PCDHGA1: variants seen among roughly 807,000 people sequenced by gnomAD.
PCDHGA1 encodes the protein protocadherin gamma subfamily A, 1.
A neutral mutation model predicts 58.0 loss-of-function variants in PCDHGA1; 32 were observed. The observed-to-expected ratio is 0.55, with a 90% CI of 0.42 to 0.74. The LOEUF (loss-of-function observed/expected upper bound fraction) is 0.74, where lower values mean the gene tolerates loss of function less well. Ranked by LOEUF, PCDHGA1 falls within the 30% of genes least tolerant of loss-of-function variation. The pLI is 0.00. For missense variants in PCDHGA1, 1,205 were observed against 1,182.3 expected (o/e 1.02, Z -0.28); for synonymous variants, 498 against 501.1 (o/e 0.99, Z 0.08).
In PCDHGA1 at chr5:141,476,132, T is replaced by C. The variant is rs751708569; in HGVS notation, c.2422-18675T>C. 2 of 1,607,820 alleles carry C rather than the reference T, an allele frequency of 1.2e-6. No homozygotes were observed. The highest frequency in any genetic ancestry group is 1.1e-5 in the South Asian group (1 of 90,582). On this transcript the variant is annotated intron_variant, in intron 1 of 3. Coordinates refer to ENST00000517417, the MANE Select transcript of PCDHGA1 (RefSeq NM_018912.3). The surrounding 1 kb of genome is among the most constrained non-coding windows in gnomAD (Gnocchi z 7.6). ...TTTGAGTGAGATGGTCCCAGAGGCC[T>C]GGAGGAGCGGACTGGTAAGCACCGG...
At chr5:141,360,645 C>A (rs1263942255) in intron 1 of PCDHGA1, 1 of 1,613,862 alleles carries the variant, frequency 6.2e-7, no homozygotes, top group Non-Finnish European at 8.5e-7. Context: ...TACAAAGATA[C>A]CACCTTAATG....
rs758205179 is a variant in PCDHGA1 at position 141,477,813 on chromosome 5, A to G, written c.2422-16994A>G. ...ACTGATCGCAATGACAATGCCCCCC[A>G]GGTCCTATATCCTCGGCCAGGTGGG... On this transcript the variant is annotated intron_variant, in intron 1 of 3. Transcript: ENST00000517417. This position sits in a 1 kb window ranked among gnomAD's most constrained non-coding sequence, Gnocchi z 4.9. The G allele has an allele frequency of 8.1e-6, 13 of 1,614,002 alleles. No homozygotes were observed. The East Asian group carries it at 2.7e-4, about 33-fold the overall frequency.
At chr5:141,365,172 T>C in intron 1 of PCDHGA1, 2 of 1,613,882 alleles carry the variant, frequency 1.2e-6, no homozygotes, top group Non-Finnish European at 1.7e-6. Context: ...ACCTACTCTT[T>C]TCGCAATGAA....
chr5:141,384,670 G>A, intron 1 of PCDHGA1: 1 of 1,614,220 alleles, frequency 6.2e-7, no homozygotes. Context: ...GGTGACCAAG[G>A]TGGTGGCGGT....
At chr5:141,415,540 T>C (rs1202920204) in intron 1 of PCDHGA1, 9 of 1,614,184 alleles carry the variant, frequency 5.6e-6, no homozygotes, top group Non-Finnish European at 7.6e-6. Context: ...CCAGGAGAGC[T>C]GTGAGAAAAA....
chr5:141,487,475 C>T lies in PCDHGA1; in HGVS notation c.2422-7332C>T, dbSNP rs781308835. On this transcript the variant is annotated intron_variant, in intron 1 of 3. Coordinates refer to ENST00000517417, the MANE Select transcript of PCDHGA1 (RefSeq NM_018912.3). The surrounding 1 kb of genome is among the most constrained non-coding windows in gnomAD (Gnocchi z 5.0). ...TATCAAGTTTGTTGATGTGGGAGGC[C>T]ACTCTCATGGCTGTACACCCTTGGC... 1.2e-6 allele frequency: 2 copies of T among 1,614,156 alleles called. No homozygotes were observed. Among genetic ancestry groups the T allele is most frequent in the South Asian group, 1.1e-5 (1 of 91,080 alleles).
intron 2 of PCDHGA1, among the ~76,000 whole-genome samples, chr5:141,501,110 G>A (rs1373404247): frequency 2.6e-5 from 4 of 151,908 alleles, no homozygotes; most frequent in Admixed American, 6.6e-5. Flanking sequence ...CTCGTGATCC[G>A]CCTGCCTCAG....
Position 141,379,889 on chromosome 5 carries a change from C to CTTTTTTTT in PCDHGA1, c.2421+46807_2421+46814dup, listed in dbSNP as rs70988800. On this transcript the variant is annotated intron_variant, in intron 1 of 3. Transcript: ENST00000517417. ...CTTATTTTATGGTCTGTGAAAGCCT[C>CTTTTTTTT]TTTTTTTTTTTTTTTTTTTTTTTTT... Among the ~76,000 whole-genome samples the CTTTTTTTT allele has an allele frequency of 4.7e-3, 239 of 50,824 alleles. 36 individuals carry two copies. The highest frequency in any genetic ancestry group is 8.3e-3 in the African/African-American group (125 of 15,078). The allele number at this position is 50,824 out of a possible 152,430, so 33.3% of individuals were successfully genotyped here.
At chr5:141,444,578 C>G (rs1030770037) in intron 1 of PCDHGA1, among the ~76,000 whole-genome samples, 1 of 152,134 alleles carries the variant, frequency 6.6e-6, no homozygotes, top group Non-Finnish European at 1.5e-5. Context: ...TTGACTCTTC[C>G]TTTCTACTTA....
At chr5:141,471,217 T>G (rs2099252724) in intron 1 of PCDHGA1, 1 of 151,568 alleles carries the variant, frequency 6.6e-6, no homozygotes, top group South Asian at 2.1e-4. Context: ...GCCTGGCAAT[T>G]TTTTTGTATT....
rs780029376 is a variant in PCDHGA1 at position 141,375,319 on chromosome 5, G to A, written c.2421+42214G>A. On this transcript the variant is annotated intron_variant, in intron 1 of 3. Coordinates refer to ENST00000517417, the MANE Select transcript of PCDHGA1 (RefSeq NM_018912.3). ...TAGTGACAAATGCAGCTCTAGACCG[G>A]GAAGAGGTATTCTTGTACAACATCA... The A allele has an allele frequency of 9.3e-6, 15 of 1,613,770 alleles. No homozygotes were observed. The South Asian group carries it at 1.5e-4, about 17-fold the overall frequency.
Position 141,491,004 on chromosome 5 carries a change from G to T in PCDHGA1, c.2422-3803G>T. ...CTCGCTCTGCTCCTCCTGGCTCCTT[G>T]GTCACCAAGGTGACAGCCGTGGATG... On this transcript the variant is annotated intron_variant, in intron 1 of 3. Transcript: ENST00000517417. The surrounding 1 kb of genome is among the most constrained non-coding windows in gnomAD (Gnocchi z 6.9). The T allele has an allele frequency of 6.2e-7, 1 of 1,614,024 alleles. No individual in the cohort carries two copies. Among genetic ancestry groups the T allele is most frequent in the Non-Finnish European group, 8.5e-7 (1 of 1,180,026 alleles).
intron 1 of PCDHGA1, among the ~76,000 whole-genome samples, chr5:141,358,928 AC>A (rs1191349174): frequency 1.3e-5 from 2 of 152,242 alleles, no homozygotes; most frequent in Non-Finnish European, 2.9e-5. Flanking sequence ...TAGGGGATAT[AC>A]AACACTTTTG....
Position 141,352,079 on chromosome 5 carries a change from G to A in PCDHGA1, c.2421+18974G>A, listed in dbSNP as rs771260601. ...TTGGCTGTCCTACCACGTGCTGCAG[G>A]CCAGCGAGCCCGGGCTCTTCAGCCT... On this transcript the variant is annotated intron_variant, in intron 1 of 3. Coordinates refer to ENST00000517417, the MANE Select transcript of PCDHGA1 (RefSeq NM_018912.3). 3.1e-6 allele frequency: 5 copies of A among 1,604,962 alleles called. No individual in the cohort carries two copies. The Admixed American group carries it at 5.0e-5, about 16-fold the overall frequency.
At chr5:141,344,192 G>A in intron 1 of PCDHGA1, 1 of 1,614,020 alleles carries the variant, frequency 6.2e-7, no homozygotes, top group Non-Finnish European at 8.5e-7. Flanking sequence ...ACGACCTGGG[G>A]CTAGAGCCCC....
chr5:141,484,958 G>C (rs2099604320), intron 1 of PCDHGA1: 1 of 575,756 alleles, frequency 1.7e-6, no homozygotes, highest in Non-Finnish European at 3.1e-6. Flanking sequence ...TATTGGCTGA[G>C]CCCGGGAGCC....
intron 1 of PCDHGA1, chr5:141,370,273 C>A: frequency 1.2e-6 from 1 of 809,002 alleles, no homozygotes; most frequent in Non-Finnish European, 1.9e-6. Context: ...GCAGCGGAGA[C>A]ACCCATTAGA....
intron 1 of PCDHGA1, among the ~76,000 whole-genome samples, chr5:141,480,768 A>G (rs1371582817): frequency 6.6e-6 from 1 of 152,162 alleles, no homozygotes; most frequent in African/African-American, 2.4e-5. Flanking sequence ...TCCCCACTTG[A>G]TCCTAATGTG....
intron 1 of PCDHGA1, chr5:141,397,991 C>T (rs960718940): frequency 1.5e-6 from 2 of 1,340,100 alleles, no homozygotes; most frequent in African/African-American, 3.0e-5. Context: ...TACACCGCTT[C>T]CTCCTCGGAA....
Sources: allele counts gnomAD v4.1 joint callset (sites outside exome capture counted in the v4.1 genomes callset), GRCh38; gene constraint gnomAD v4.1.1; non-coding constraint Gnocchi (gnomAD v3.1); transcripts MANE v1.5; gene names NCBI Gene and HGNC (gene_info 2026-07-23, HGNC 2026-07-21).